Variants in AFF3 observed in about 807,000 individuals in gnomAD.
AFF3 encodes ALF transcription elongation factor 3, also known as AF4/FMR2 family member 3.
Under a neutral mutation model 129.7 loss-of-function variants are expected in AFF3, and 32 were observed. The ratio of observed to expected loss-of-function variants is 0.25; its 90% CI spans 0.19 to 0.33. The LOEUF (loss-of-function observed/expected upper bound fraction) is 0.33. AFF3 is among the 10% of genes least tolerant of loss of function. The probability of loss-of-function intolerance (pLI) is 1.00; values close to 1 mark genes in which losing one functional copy is unlikely to be tolerated. For missense variants in AFF3, 1,373 were observed against 1,592.0 expected (o/e 0.86, Z 2.34); for synonymous variants, 644 against 635.4 (o/e 1.01, Z -0.20).
intron 8 of AFF3, among the ~76,000 whole-genome samples, chr2:99,756,811 C>T (rs1348195865): frequency 3.3e-5 from 5 of 152,182 alleles, no homozygotes; most frequent in East Asian, 3.8e-4. Context: ...TTTTTTGTTG[C>T]AGATTATACA....
intron 8 of AFF3, among the ~76,000 whole-genome samples, chr2:99,811,990 C>A (rs1168928402): frequency 6.6e-6 from 1 of 152,186 alleles, no homozygotes; most frequent in Non-Finnish European, 1.5e-5. Flanking sequence ...ATTTTAGTCT[C>A]CATAAAGCTG....
chr2:99,953,865 C>T (rs1676388152), intron 7 of AFF3, among the ~76,000 whole-genome samples: 2 of 152,192 alleles, frequency 1.3e-5, no homozygotes, highest in African/African-American at 4.8e-5. Flanking sequence ...CCTTGACCTC[C>T]ACATCGCCAG....
intron 9 of AFF3, among the ~76,000 whole-genome samples, chr2:99,748,827 C>A (rs1681386038): frequency 6.6e-6 from 1 of 152,186 alleles, no homozygotes; most frequent in South Asian, 2.1e-4. Flanking sequence ...ACCATTATTA[C>A]TTTCTTGACC....
intron 18 of AFF3, among the ~76,000 whole-genome samples, chr2:99,574,141 C>A (rs1676765861): frequency 6.6e-6 from 1 of 152,216 alleles, no homozygotes; most frequent in African/African-American, 2.4e-5. Flanking sequence ...CAAGTTGAAT[C>A]AAGTGTTGTC....
At chr2:99,599,927 A>G (rs1679658194) in intron 14 of AFF3, among the ~76,000 whole-genome samples, 1 of 152,132 alleles carries the variant, frequency 6.6e-6, no homozygotes, top group Middle Eastern at 3.2e-3. Flanking sequence ...TTTTTGTCAT[A>G]TAATTGTGTA....
intron 4 of AFF3, among the ~76,000 whole-genome samples, chr2:100,074,795 C>T (rs1329997652): frequency 3.3e-5 from 5 of 152,136 alleles, no homozygotes; most frequent in South Asian, 2.1e-4. Flanking sequence ...AAGCCCCAGC[C>T]GAGGGCTTAT....
rs59136725 is a variant in AFF3 at position 100,036,134 on chromosome 2, T to TAAAA, written c.54-27206_54-27203dup. Among the ~76,000 whole-genome samples the TAAAA allele has an allele frequency of 1.4e-4, 9 of 64,338 alleles. 1 individual carries two copies. Among genetic ancestry groups the TAAAA allele is most frequent in the African/African-American group, 4.2e-4 (6 of 14,228 alleles). The allele number at this position is 64,338 out of a possible 152,430, so 42.2% of individuals were successfully genotyped here. ...TGCCAAGTTCTGAAAAATACAGTGC[T>TAAAA]AAAAAAAAAAAAAAAAAAAAAAAAA... On this transcript the variant is annotated intron_variant, in intron 4 of 24. Transcript: ENST00000672756.
At chr2:99,763,172 T>G (rs1242167633) in intron 8 of AFF3, among the ~76,000 whole-genome samples, 1 of 152,224 alleles carries the variant, frequency 6.6e-6, no homozygotes, top group Non-Finnish European at 1.5e-5. Context: ...TGTCAATCCA[T>G]TCCTAGCATT....
chr2:99,624,508 T>C (rs971699952), intron 13 of AFF3, among the ~76,000 whole-genome samples: 1 of 152,180 alleles, frequency 6.6e-6, no homozygotes, highest in Non-Finnish European at 1.5e-5. Context: ...GGAGTAATGG[T>C]GTTTAAAAAC....
intron 7 of AFF3, among the ~76,000 whole-genome samples, chr2:99,925,547 G>A (rs953993585): frequency 6.6e-6 from 1 of 152,184 alleles, no homozygotes; most frequent in Non-Finnish European, 1.5e-5. Context: ...GAAAGTTTGT[G>A]AAATGAGTGC....
intron 11 of AFF3, among the ~76,000 whole-genome samples, chr2:99,726,875 A>G (rs181493257): frequency 2.0e-5 from 3 of 152,332 alleles, no homozygotes; most frequent in Non-Finnish European, 1.5e-5. Flanking sequence ...AAGCATTTGC[A>G]TTTTTCAAGA....
chr2:99,747,830 T>C (rs1681295081), intron 9 of AFF3, among the ~76,000 whole-genome samples: 1 of 152,134 alleles, frequency 6.6e-6, no homozygotes. Flanking sequence ...GTTTTCTTGG[T>C]GGTACATTGA....
intron 11 of AFF3, among the ~76,000 whole-genome samples, chr2:99,673,049 C>CT (rs149522615): frequency 0.014 from 1,968 of 143,218 alleles, 36 homozygotes; most frequent in African/African-American, 0.043. Flanking sequence ...AAAGAAGATG[C>CT]TTTTTTTTTT....
At chr2:100,122,818 G>A (rs1407901598) in intron 2 of AFF3, among the ~76,000 whole-genome samples, 1 of 152,196 alleles carries the variant, frequency 6.6e-6, no homozygotes, top group African/African-American at 2.4e-5. Context: ...GAGACTCTGA[G>A]AATACCGGCA....
chr2:99,758,899 C>G (rs554147465), intron 8 of AFF3, among the ~76,000 whole-genome samples: 1 of 152,300 alleles, frequency 6.6e-6, no homozygotes, highest in South Asian at 2.1e-4. Flanking sequence ...AGAATCCTCA[C>G]CCTAGTACTC....
intron 8 of AFF3, among the ~76,000 whole-genome samples, chr2:99,820,190 C>T (rs1021042247): frequency 1.3e-5 from 2 of 152,154 alleles, no homozygotes; most frequent in African/African-American, 4.8e-5. Flanking sequence ...TGCACTTACA[C>T]AAACCTGGGT....
intron 7 of AFF3, among the ~76,000 whole-genome samples, chr2:99,966,208 A>G (rs943716898): frequency 1.3e-5 from 2 of 152,192 alleles, no homozygotes; most frequent in African/African-American, 4.8e-5. Context: ...CCTGTCAGGT[A>G]AAAAGCAACT....
chr2:99,924,731 C>G (rs758312097), intron 7 of AFF3, among the ~76,000 whole-genome samples: 1 of 152,088 alleles, frequency 6.6e-6, no homozygotes, highest in African/African-American at 2.4e-5. Flanking sequence ...AATTCAACAT[C>G]GATCTGGAAA....
chr2:99,941,111 G>T (rs1028815089), intron 7 of AFF3, among the ~76,000 whole-genome samples: 4 of 152,026 alleles, frequency 2.6e-5, no homozygotes, highest in Non-Finnish European at 5.9e-5. Context: ...GGGAACGTGA[G>T]CTCTTGCTGA....
Sources: allele counts gnomAD v4.1 joint callset (sites outside exome capture counted in the v4.1 genomes callset), GRCh38; gene constraint gnomAD v4.1.1; transcripts MANE v1.5; gene names NCBI Gene and HGNC (gene_info 2026-07-23, HGNC 2026-07-21).